Variants in APBB2 observed in about 807,000 individuals in gnomAD.
APBB2 encodes the protein Fe65-like 1.
Under a neutral mutation model 82.5 loss-of-function variants are expected in APBB2, and 38 were observed. That is an observed-to-expected ratio of 0.46 (90% confidence interval 0.36 to 0.60). The LOEUF (loss-of-function observed/expected upper bound fraction) is 0.60, where lower values mean the gene tolerates loss of function less well. Among genes scored for constraint, APBB2 ranks in the 20% least tolerant of loss-of-function variants. The probability of loss-of-function intolerance (pLI) is 0.00; values close to 1 mark genes in which losing one functional copy is unlikely to be tolerated. For missense variants in APBB2, 772 were observed against 972.3 expected, an observed-to-expected ratio of 0.79 and a Z score of 2.74; for synonymous variants, 341 against 368.2, an observed-to-expected ratio of 0.93 and a Z score of 0.85.
intron 1 of APBB2, among the ~76,000 whole-genome samples, chr4:41,161,571 C>A (rs2154040129): frequency 6.6e-6 from 1 of 152,150 alleles, no homozygotes; most frequent in East Asian, 1.9e-4. Flanking sequence ...GTGCCACCGC[C>A]CTCCAGCCTG....
intron 6 of APBB2, among the ~76,000 whole-genome samples, chr4:40,949,730 G>A (rs980506810): frequency 6.6e-6 from 1 of 150,502 alleles, no homozygotes; most frequent in Non-Finnish European, 1.5e-5. Context: ...GCAAGCGGCT[G>A]AAAACTGGAA....
chr4:41,154,561 C>T (rs1763008423), intron 1 of APBB2, among the ~76,000 whole-genome samples: 1 of 152,030 alleles, frequency 6.6e-6, no homozygotes, highest in African/African-American at 2.4e-5. Flanking sequence ...AGTCCTGTGC[C>T]ATAATTTTAC....
At chr4:41,214,081 G>T (rs1780022423) in intron 1 of APBB2, among the ~76,000 whole-genome samples, 1 of 152,248 alleles carries the variant, frequency 6.6e-6, no homozygotes, top group Non-Finnish European at 1.5e-5. Context: ...CTGAGGGAAA[G>T]AGGGCGCCGG....
intron 1 of APBB2, among the ~76,000 whole-genome samples, chr4:41,194,341 A>G: frequency 6.6e-6 from 1 of 152,190 alleles, no homozygotes; most frequent in African/African-American, 2.4e-5. Context: ...AAGAAGAGAG[A>G]TCATTTATAG....
chr4:41,191,549 G>A (rs1253861856), intron 1 of APBB2, among the ~76,000 whole-genome samples: 2 of 152,068 alleles, frequency 1.3e-5, no homozygotes, highest in African/African-American at 4.8e-5. Flanking sequence ...AACAGTACTA[G>A]GAAAACTGGA....
chr4:41,129,969 C>T (rs1050490494), intron 2 of APBB2, among the ~76,000 whole-genome samples: 2 of 151,934 alleles, frequency 1.3e-5, no homozygotes, highest in South Asian at 2.1e-4. Flanking sequence ...GGAAGGTTTG[C>T]AATTTTTAAA....
chr4:40,967,884 G>A (rs1374772489), intron 6 of APBB2, among the ~76,000 whole-genome samples: 11 of 152,180 alleles, frequency 7.2e-5, no homozygotes, highest in Admixed American at 2.6e-4. Flanking sequence ...GGGACATAAT[G>A]GTTAGACAAC....
At chr4:40,980,739 T>C (rs976110573) in intron 6 of APBB2, among the ~76,000 whole-genome samples, 10 of 152,344 alleles carry the variant, frequency 6.6e-5, no homozygotes, top group Middle Eastern at 3.4e-3. Context: ...AAATGAAATT[T>C]GAATTGTATA....
intron 6 of APBB2, among the ~76,000 whole-genome samples, chr4:40,964,307 C>G (rs1794043697): frequency 6.6e-6 from 1 of 152,126 alleles, no homozygotes; most frequent in Non-Finnish European, 1.5e-5. Flanking sequence ...AAGCATTGAA[C>G]TAGTAAGCTA....
chr4:40,916,638 G>A (rs779918518), intron 10 of APBB2, among the ~76,000 whole-genome samples: 5 of 152,182 alleles, frequency 3.3e-5, no homozygotes, highest in Admixed American at 2.0e-4. Flanking sequence ...CTGTGTGTAC[G>A]TGGCCACCAG....
Position 40,813,537 on chromosome 4 carries a change from C to T in APBB2, c.*2555G>A, listed in dbSNP as rs908765715. 2.0e-5 allele frequency: 3 copies of T among 152,180 alleles called. No homozygotes were observed. Among genetic ancestry groups the T allele is most frequent in the African/African-American group, 7.2e-5 (3 of 41,442 alleles). 9.4% of individuals were successfully genotyped at this position (152,180 alleles called of 1,614,324 possible). A position where few individuals can be genotyped will look rare whatever the true frequency, so the allele number is the denominator to read the frequency against. On this transcript the variant is annotated 3_prime_UTR_variant, in exon 18 of 18. Transcript: ENST00000508593. ...GAAAGTGTCTGAACATACTCTTTAA[C>T]ATAATTTTACAAAATTAATTTGCAT... is the stretch of plus-strand genomic sequence containing the variant.
chr4:41,047,969 G>C (rs1724051216), intron 4 of APBB2, among the ~76,000 whole-genome samples: 1 of 152,128 alleles, frequency 6.6e-6, no homozygotes, highest in Non-Finnish European at 1.5e-5. Flanking sequence ...TCTCTTTTAA[G>C]TTTTTGTGAT....
intron 17 of APBB2, 29 bp from the exon 18 acceptor site, chr4:40,816,288 T>A (rs1560590403): frequency 1.2e-6 from 2 of 1,611,632 alleles, no homozygotes; most frequent in Non-Finnish European, 1.7e-6. Context: ...TGTTTTAAGG[T>A]AATTAACAAC....
chr4:40,998,134 G>A (rs1268130408), intron 6 of APBB2, among the ~76,000 whole-genome samples: 1 of 152,192 alleles, frequency 6.6e-6, no homozygotes, highest in African/African-American at 2.4e-5. Context: ...AAGCTTTTAA[G>A]CAAAAATCAG....
chr4:40,868,040 T>C (rs1253128611), intron 12 of APBB2, among the ~76,000 whole-genome samples: 2 of 151,682 alleles, frequency 1.3e-5, no homozygotes, highest in African/African-American at 4.8e-5. Context: ...TTTTTTTTTT[T>C]AGAGATGGGG....
rs1362662559 is a variant in APBB2 at position 40,844,534 on chromosome 4, G to C, written c.1530-13957C>G. ...TCTCCCACGGAAGGACAGTCACCTG[G>C]GGGAGTGGCAGGGGCCCTCTGCTCA... is the stretch of plus-strand genomic sequence containing the variant. On this transcript the variant is annotated intron_variant, in intron 12 of 17. Transcript: ENST00000508593. Among the ~76,000 whole-genome samples the C allele has an allele frequency of 2.0e-5, 3 of 152,232 alleles. No individual in the cohort carries two copies. The East Asian group carries it at 5.8e-4, about 29-fold the overall frequency.
intron 5 of APBB2, among the ~76,000 whole-genome samples, chr4:41,022,461 C>T (rs530022132): frequency 1.3e-5 from 2 of 152,272 alleles, no homozygotes; most frequent in Admixed American, 6.5e-5. Context: ...CCTCCACACA[C>T]TCTCAGTACC....
At chr4:40,891,345 G>A (rs564151121) in intron 11 of APBB2, among the ~76,000 whole-genome samples, 4 of 152,040 alleles carry the variant, frequency 2.6e-5, no homozygotes, top group Admixed American at 1.3e-4. Context: ...CAATCTCCCC[G>A]GCATAATTTT....
intron 2 of APBB2, among the ~76,000 whole-genome samples, chr4:41,120,200 T>A (rs764866297): frequency 2.6e-5 from 4 of 152,306 alleles, no homozygotes; most frequent in South Asian, 2.1e-4. Context: ...TCTCATTTTT[T>A]AATAATTTTC....
Sources: allele counts gnomAD v4.1 joint callset (sites outside exome capture counted in the v4.1 genomes callset), GRCh38; gene constraint gnomAD v4.1.1; transcripts MANE v1.5; gene names NCBI Gene and HGNC (gene_info 2026-07-23, HGNC 2026-07-21).